CSMD1: variants seen among roughly 807,000 people sequenced by gnomAD.
CSMD1 encodes CUB and Sushi multiple domains 1.
A neutral mutation model predicts 417.5 loss-of-function variants in CSMD1; 213 were observed. The ratio of observed to expected loss-of-function variants is 0.51; its 90% CI spans 0.46 to 0.57. The LOEUF is 0.57. Ranked by LOEUF, CSMD1 falls within the 20% of genes least tolerant of loss-of-function variation. The probability of loss-of-function intolerance (pLI) is 0.00; values close to 1 mark genes in which losing one functional copy is unlikely to be tolerated. For synonymous variants in CSMD1, 2,862 were observed against 1,736.8 expected, an observed-to-expected ratio of 1.65 and a Z score of -16.11; for missense variants, 6,923 against 4,529.7, an observed-to-expected ratio of 1.53 and a Z score of -15.17.
At chr8:4,068,237 G>A (rs767665789) in intron 3 of CSMD1, among the ~76,000 whole-genome samples, 1 of 152,144 alleles carries the variant, frequency 6.6e-6, no homozygotes, top group African/African-American at 2.4e-5. Flanking sequence ...AAGAAAATGA[G>A]GAGAACCCCT....
chr8:4,337,849 G>A (rs984618656), intron 3 of CSMD1, among the ~76,000 whole-genome samples: 67 of 152,112 alleles, frequency 4.4e-4, no homozygotes, highest in African/African-American at 1.5e-3. Context: ...TTGTTCCTTC[G>A]TAAAGACTTT....
intron 5 of CSMD1, among the ~76,000 whole-genome samples, chr8:3,818,173 G>A (rs1198266225): frequency 2.0e-5 from 3 of 151,936 alleles, no homozygotes; most frequent in Non-Finnish European, 4.4e-5. Flanking sequence ...CTCATAGGAT[G>A]CCAACTGCAC....
chr8:3,999,204 T>C (rs921893780), intron 4 of CSMD1, among the ~76,000 whole-genome samples: 2 of 152,038 alleles, frequency 1.3e-5, no homozygotes, highest in African/African-American at 4.8e-5. Context: ...CCATAATATA[T>C]ATTTAACAGT....
At chr8:4,560,515 TG>T (rs1798283938) in intron 2 of CSMD1, among the ~76,000 whole-genome samples, 1 of 152,182 alleles carries the variant, frequency 6.6e-6, no homozygotes, top group African/African-American at 2.4e-5. Flanking sequence ...AACTTTAACA[TG>T]ATTTTGCATG....
chr8:3,554,203 C>CA (rs1195551272), intron 10 of CSMD1, among the ~76,000 whole-genome samples: 1 of 151,876 alleles, frequency 6.6e-6, no homozygotes, highest in African/African-American at 2.4e-5. Context: ...CCATTTAAGG[C>CA]AAAAAAGATT....
At chr8:4,004,965 C>G (rs1203748271) in intron 4 of CSMD1, among the ~76,000 whole-genome samples, 3 of 152,110 alleles carry the variant, frequency 2.0e-5, no homozygotes, top group South Asian at 2.1e-4. Flanking sequence ...AGGATGGTCT[C>G]AATCTCCTGA....
intron 3 of CSMD1, among the ~76,000 whole-genome samples, chr8:4,059,833 G>C (rs988934500): frequency 1.1e-4 from 16 of 150,066 alleles, no homozygotes; most frequent in Admixed American, 3.3e-4. Context: ...TCCAGGACCA[G>C]ATGGATTCAC....
intron 39 of CSMD1, among the ~76,000 whole-genome samples, chr8:3,154,835 G>A (rs1196789645): frequency 6.6e-6 from 1 of 152,056 alleles, no homozygotes; most frequent in South Asian, 2.1e-4. Context: ...TTAGGTCATG[G>A]GATTTCCAGG....
chr8:3,652,049 ACCACCATCGCACTTACCC>A (rs1290687304), intron 7 of CSMD1, among the ~76,000 whole-genome samples: 2 of 150,108 alleles, frequency 1.3e-5, no homozygotes, highest in African/African-American at 4.9e-5. Flanking sequence ...CACAGCACCC[ACCACCATCGCACTTACCC>A]CCATCAGAGC....
chr8:4,968,396 T>C (rs925351814), intron 1 of CSMD1, among the ~76,000 whole-genome samples: 1 of 151,926 alleles, frequency 6.6e-6, no homozygotes, highest in Non-Finnish European at 1.5e-5. Context: ...AATCTGTAAC[T>C]GTTAAAAAAA....
Position 4,294,900 on chromosome 8 carries a change from A to G in CSMD1, c.415+125053T>C, listed in dbSNP as rs1797575618. ...TTTAGTAGCTGTCAATGTGTATGGA[A>G]CGAAAGCCTCAGGTAACCATGTGGT... On this transcript the variant is annotated intron_variant, in intron 3 of 69. Transcript: ENST00000635120. Among the ~76,000 whole-genome samples the G allele has an allele frequency of 2.6e-5, 4 of 151,744 alleles. No individual in the cohort carries two copies. The South Asian group carries it at 8.3e-4, about 31-fold the overall frequency.
At chr8:3,349,434 G>C (rs1038689905) in intron 21 of CSMD1, among the ~76,000 whole-genome samples, 14 of 151,988 alleles carry the variant, frequency 9.2e-5, no homozygotes, top group African/African-American at 3.1e-4. Flanking sequence ...ATGTGGAAGG[G>C]TGTGAGGAGA....
intron 12 of CSMD1, among the ~76,000 whole-genome samples, chr8:3,442,826 A>C (rs938111236): frequency 6.6e-6 from 1 of 151,432 alleles, no homozygotes; most frequent in Admixed American, 6.6e-5. Flanking sequence ...ATATTAGTAC[A>C]TAGATTTTTT....
At chr8:3,841,164 G>A (rs7003828) in intron 5 of CSMD1, among the ~76,000 whole-genome samples, 5,519 of 152,148 alleles carry the variant, frequency 0.036, 294 homozygotes, top group African/African-American at 0.11. Flanking sequence ...TAAAATGGTG[G>A]AAATTGTGTT....
At chr8:4,037,534 A>G (rs1254915527) in intron 3 of CSMD1, among the ~76,000 whole-genome samples, 1 of 152,234 alleles carries the variant, frequency 6.6e-6, no homozygotes, top group Non-Finnish European at 1.5e-5. Flanking sequence ...AGAATTTGAA[A>G]AACACAAATC....
chr8:4,097,102 G>A (rs184644698), intron 3 of CSMD1, among the ~76,000 whole-genome samples: 16 of 152,266 alleles, frequency 1.1e-4, no homozygotes, highest in African/African-American at 3.1e-4. Flanking sequence ...AAGCACGGCT[G>A]TGCCTTCCCC....
chr8:4,196,447 T>A (rs905016716), intron 3 of CSMD1, among the ~76,000 whole-genome samples: 1 of 152,172 alleles, frequency 6.6e-6, no homozygotes, highest in Non-Finnish European at 1.5e-5. Context: ...TGAAGCCTCT[T>A]AGGGAAAATC....
intron 3 of CSMD1, among the ~76,000 whole-genome samples, chr8:4,201,318 C>G (rs1799630924): frequency 6.6e-6 from 1 of 152,148 alleles, no homozygotes; most frequent in Admixed American, 6.5e-5. Context: ...GCGGGCGGAT[C>G]ACGAGGTCAG....
intron 27 of CSMD1, among the ~76,000 whole-genome samples, chr8:3,226,547 A>C (rs977419744): frequency 5.5e-5 from 8 of 146,676 alleles, no homozygotes; most frequent in Non-Finnish European, 1.2e-4. Context: ...ACACCACTGC[A>C]CTCCAGCTTA....
Sources: allele counts gnomAD v4.1 joint callset (sites outside exome capture counted in the v4.1 genomes callset), GRCh38; gene constraint gnomAD v4.1.1; transcripts MANE v1.5; gene names NCBI Gene and HGNC (gene_info 2026-07-23, HGNC 2026-07-21).